RALYL: variants seen among roughly 807,000 people sequenced by gnomAD.
RALYL encodes the protein RALY RNA binding protein like.
In RALYL, 29 loss-of-function variants were observed where a neutral mutation model predicts 35.1. The ratio of observed to expected loss-of-function variants is 0.83; its 90% CI spans 0.61 to 1.13. The LOEUF (loss-of-function observed/expected upper bound fraction) is 1.13, where lower values mean the gene tolerates loss of function less well. RALYL is among the 50% of genes most tolerant of loss of function. RALYL has a pLI of 0.00. For missense variants in RALYL, 359 were observed against 360.4 expected, an observed-to-expected ratio of 1.00 and a Z score of 0.03; for synonymous variants, 120 against 127.6, an observed-to-expected ratio of 0.94 and a Z score of 0.40.
At chr8:84,330,835 T>C (rs1281913276) in intron 1 of RALYL, among the ~76,000 whole-genome samples, 2 of 152,056 alleles carry the variant, frequency 1.3e-5, no homozygotes, top group African/African-American at 2.4e-5. Flanking sequence ...TTTAGAAATG[T>C]ATTAAAAAGA....
chr8:84,770,775 G>T (rs921498537), intron 2 of RALYL, among the ~76,000 whole-genome samples: 3 of 152,112 alleles, frequency 2.0e-5, no homozygotes, highest in African/African-American at 7.2e-5. Context: ...CCGTGGTTTT[G>T]ATTTGCATTT....
chr8:84,919,835 G>A (rs747212835), intron 8 of RALYL, among the ~76,000 whole-genome samples: 1 of 151,946 alleles, frequency 6.6e-6, no homozygotes, highest in African/African-American at 2.4e-5. Flanking sequence ...CAGGTAATGT[G>A]CCAATATCAT....
At chr8:84,679,600 TG>T (rs2131949172) in intron 2 of RALYL, 1 of 458,008 alleles carries the variant, frequency 2.2e-6, no homozygotes, top group East Asian at 6.1e-5. Context: ...TTATCTTCTT[TG>T]ATGAAACTGA....
chr8:84,529,621 T>A (rs13248532), intron 2 of RALYL, 44 bp downstream of exon 2: 606,085 of 1,554,968 alleles, frequency 0.39, 119,749 homozygotes, highest in South Asian at 0.5. Context: ...TGTTCATATA[T>A]CTGGAAATTG....
intron 1 of RALYL, among the ~76,000 whole-genome samples, chr8:84,190,897 G>T (rs1316787211): frequency 6.6e-6 from 1 of 151,924 alleles, no homozygotes; most frequent in Non-Finnish European, 1.5e-5. Context: ...AATGTAAAAG[G>T]GGCTGATAAA....
At chr8:84,418,156 A>G (rs2044955255) in intron 1 of RALYL, among the ~76,000 whole-genome samples, 1 of 152,180 alleles carries the variant, frequency 6.6e-6, no homozygotes, top group Non-Finnish European at 1.5e-5. Context: ...GACATAGGGC[A>G]TCCTCAAACA....
intron 2 of RALYL, among the ~76,000 whole-genome samples, chr8:84,623,330 C>T (rs377018881): frequency 3.3e-5 from 5 of 152,006 alleles, no homozygotes; most frequent in Admixed American, 2.0e-4. Flanking sequence ...TCCAGTTCAC[C>T]GCATAAAATA....
At chr8:84,818,111 G>A (rs954530413) in intron 4 of RALYL, among the ~76,000 whole-genome samples, 1 of 152,072 alleles carries the variant, frequency 6.6e-6, no homozygotes, top group African/African-American at 2.4e-5. Context: ...TGCCTTACTA[G>A]GGAAGATCAC....
At chr8:84,269,792 G>A (rs1215238397) in intron 1 of RALYL, among the ~76,000 whole-genome samples, 1 of 151,822 alleles carries the variant, frequency 6.6e-6, no homozygotes, top group Non-Finnish European at 1.5e-5. Context: ...TTCTAATATT[G>A]TGGATCATAG....
chr8:84,513,204 G>A (rs1475738633), intron 1 of RALYL, among the ~76,000 whole-genome samples: 1 of 151,996 alleles, frequency 6.6e-6, no homozygotes, highest in East Asian at 1.9e-4. Flanking sequence ...TTCATCAGTA[G>A]ATGTTTTTCC....
intron 2 of RALYL, among the ~76,000 whole-genome samples, chr8:84,589,890 G>A (rs1398614991): frequency 6.6e-6 from 1 of 152,164 alleles, no homozygotes; most frequent in Non-Finnish European, 1.5e-5. Flanking sequence ...AAAGACATCA[G>A]TCATCACATT....
At chr8:84,645,504 A>G (rs772080703) in intron 2 of RALYL, among the ~76,000 whole-genome samples, 3 of 149,452 alleles carry the variant, frequency 2.0e-5, no homozygotes, top group Non-Finnish European at 2.9e-5. Flanking sequence ...AAATGATTCT[A>G]CTTTCCTTTC....
chr8:84,744,439 T>G (rs1589307714), intron 2 of RALYL, among the ~76,000 whole-genome samples: 1 of 151,928 alleles, frequency 6.6e-6, no homozygotes, highest in Non-Finnish European at 1.5e-5. Context: ...TCTCTTTAGG[T>G]CCCATTGAAG....
intron 4 of RALYL, among the ~76,000 whole-genome samples, chr8:84,806,499 A>G (rs1192744781): frequency 6.6e-6 from 1 of 151,956 alleles, no homozygotes; most frequent in Non-Finnish European, 1.5e-5. Flanking sequence ...GCAGACCCTA[A>G]GTAATCTTTG....
At chr8:84,623,272 A>G (rs1821975464) in intron 2 of RALYL, among the ~76,000 whole-genome samples, 1 of 152,186 alleles carries the variant, frequency 6.6e-6, no homozygotes, top group African/African-American at 2.4e-5. Flanking sequence ...TTATCGTGAC[A>G]CATTAATTTT....
At chr8:84,897,416 GAGA>G (rs1368015972) in intron 8 of RALYL, among the ~76,000 whole-genome samples, 1 of 152,140 alleles carries the variant, frequency 6.6e-6, no homozygotes, top group African/African-American at 2.4e-5. Context: ...GTAATATTCT[GAGA>G]AGAATTATGA....
intron 2 of RALYL, among the ~76,000 whole-genome samples, chr8:84,699,550 A>G (rs1186292267): frequency 6.6e-6 from 1 of 152,022 alleles, no homozygotes; most frequent in Non-Finnish European, 1.5e-5. Context: ...GAGGCAAGGG[A>G]TCTCTCTGGG....
chr8:84,870,964 G>T (rs888957367), intron 6 of RALYL, among the ~76,000 whole-genome samples: 3 of 152,160 alleles, frequency 2.0e-5, no homozygotes, highest in African/African-American at 7.2e-5. Context: ...TATTTGTAGA[G>T]CCTGCTTTGC....
At chr8:84,876,177 C>T (rs1212930225) in intron 7 of RALYL, among the ~76,000 whole-genome samples, 1 of 152,172 alleles carries the variant, frequency 6.6e-6, no homozygotes, top group African/African-American at 2.4e-5. Flanking sequence ...TCTTCCCTAA[C>T]TCTACCCAAC....
Sources: gnomAD v4.1 joint callset for allele counts (sites outside exome capture counted in the v4.1 genomes callset) on GRCh38, gnomAD v4.1.1 for gene constraint, MANE v1.5 for transcripts, NCBI Gene and HGNC (gene_info 2026-07-23, HGNC 2026-07-21) for gene names.